SIRT1: variants seen among roughly 807,000 people sequenced by gnomAD.
SIRT1 encodes NAD-dependent protein deacetylase sirtuin-1.
In SIRT1, 24 loss-of-function variants were observed where a neutral mutation model predicts 67.9. The observed-to-expected ratio is 0.35, with a 90% CI of 0.26 to 0.50. The LOEUF (loss-of-function observed/expected upper bound fraction) is 0.50. Ranked by LOEUF, SIRT1 falls within the 20% of genes least tolerant of loss-of-function variation. The pLI is 0.98. For synonymous variants in SIRT1, 378 were observed against 350.7 expected (o/e 1.08, Z -0.87); for missense variants, 873 against 937.2 (o/e 0.93, Z 0.89).
intron 3 of SIRT1, 23 bp from the exon 4 acceptor site, chr10:67,891,379 A>G: frequency 6.2e-7 from 1 of 1,610,560 alleles, no homozygotes; most frequent in Non-Finnish European, 8.5e-7. Context: ...TTAATTTTAC[A>G]AATTATGCCA....
chr10:67,918,315 C>T lies in SIRT1; in HGVS notation c.*1722C>T, dbSNP rs2029994874. 1 of 152,688 alleles carries T rather than the reference C, an allele frequency of 6.5e-6. No homozygotes were observed. The highest frequency in any genetic ancestry group is 1.9e-4 in the East Asian group (1 of 5,188). The allele number at this position is 152,688 out of a possible 1,614,324, so 9.5% of individuals were successfully genotyped here. A position where few individuals can be genotyped will look rare whatever the true frequency, so the allele number is the denominator to read the frequency against. On this transcript the variant is annotated 3_prime_UTR_variant, in exon 9 of 9. Coordinates refer to ENST00000212015, the MANE Select transcript of SIRT1 (RefSeq NM_012238.5). ...ATATCTTCCTTCAACTTTTGAAATACAAAACCAGTGTTTTTTACTTGTACA... is the reference window on the plus strand; with the variant it reads ...ATATCTTCCTTCAACTTTTGAAATATAAAACCAGTGTTTTTTACTTGTACA...
intron 4 of SIRT1, among the ~76,000 whole-genome samples, chr10:67,903,987 A>T (rs1564889773): frequency 1.3e-5 from 2 of 152,094 alleles, no homozygotes; most frequent in African/African-American, 4.8e-5. Flanking sequence ...TGGAAGAGTT[A>T]ATCCATATTC....
At chr10:67,887,327 T>A (rs1263420247) in intron 1 of SIRT1, 90 bp from the exon 2 acceptor site, 3 of 798,964 alleles carry the variant, frequency 3.8e-6, no homozygotes, top group African/African-American at 3.4e-5. Flanking sequence ...TTAAATGCTG[T>A]ACTCGATGAA....
chr10:67,910,947 T>A (rs1842890735), intron 7 of SIRT1, among the ~76,000 whole-genome samples: 1 of 152,106 alleles, frequency 6.6e-6, no homozygotes, highest in Non-Finnish European at 1.5e-5. Context: ...AGACCCCACA[T>A]CAGCAGTCAA....
Position 67,916,802 on chromosome 10 carries a change from TAAA to T in SIRT1, c.*218_*220del, listed in dbSNP as rs145705395. 8.6e-4 allele frequency: 244 copies of T among 283,398 alleles called. 1 individual carries two copies. Among genetic ancestry groups the T allele is most frequent in the African/African-American group, 1.5e-3 (65 of 43,164 alleles). 17.6% of individuals were successfully genotyped at this position (283,398 alleles called of 1,614,324 possible). ...AACTCAACACTAACTTTTTTTTTTT[TAAA>T]AAAAAAAAGGTACTAAGTATCTTCA... On this transcript the variant is annotated 3_prime_UTR_variant, in exon 9 of 9. Transcript: ENST00000212015.
chr10:67,914,135 G>A (rs565590575), intron 8 of SIRT1, among the ~76,000 whole-genome samples: 42 of 131,712 alleles, frequency 3.2e-4, no homozygotes, highest in Non-Finnish European at 6.1e-4. Flanking sequence ...GCAGTGGCAC[G>A]ATCTCAGCTC....
intron 1 of SIRT1, among the ~76,000 whole-genome samples, chr10:67,886,631 C>G (rs1842485992): frequency 6.6e-6 from 1 of 150,930 alleles, no homozygotes; most frequent in African/African-American, 2.4e-5. Context: ...TCAAGCAACA[C>G]AGTTGAGTAC....
chr10:67,894,986 A>G (rs897235115), intron 4 of SIRT1, among the ~76,000 whole-genome samples: 4 of 152,094 alleles, frequency 2.6e-5, no homozygotes, highest in African/African-American at 9.7e-5. Context: ...GTGAGCCACA[A>G]TGTCCAGCTG....
chr10:67,905,057 A>G (rs1474192203), intron 4 of SIRT1, among the ~76,000 whole-genome samples: 1 of 152,034 alleles, frequency 6.6e-6, no homozygotes, highest in Non-Finnish European at 1.5e-5. Context: ...TTTTTCCCTG[A>G]CCTTGCTTTG....
chr10:67,903,811 G>C (rs1480761334), intron 4 of SIRT1, among the ~76,000 whole-genome samples: 1 of 152,180 alleles, frequency 6.6e-6, no homozygotes, highest in African/African-American at 2.4e-5. Flanking sequence ...ATAGTGTTTT[G>C]AGCCTTTGAT....
intron 8 of SIRT1, among the ~76,000 whole-genome samples, chr10:67,913,809 G>C (rs890202645): frequency 6.6e-6 from 1 of 152,058 alleles, no homozygotes; most frequent in Non-Finnish European, 1.5e-5. Flanking sequence ...ACCATACTTG[G>C]CGAAAACTGA....
intron 4 of SIRT1, among the ~76,000 whole-genome samples, chr10:67,902,142 C>G (rs1387035067): frequency 6.6e-6 from 1 of 152,174 alleles, no homozygotes; most frequent in African/African-American, 2.4e-5. Context: ...GCGCCTGTCT[C>G]CACGCCCGGC....
rs1397456510 is a variant in SIRT1 at position 67,917,999 on chromosome 10, AT to A, written c.*1407del. 6.6e-6 allele frequency: 1 copy of A among 152,610 alleles called. No individual in the cohort carries two copies. The highest frequency in any genetic ancestry group is 2.4e-5 in the African/African-American group (1 of 41,448). The allele number at this position is 152,610 out of a possible 1,614,324, so 9.5% of individuals were successfully genotyped here. A position where few individuals can be genotyped will look rare whatever the true frequency, so the allele number is the denominator to read the frequency against. On this transcript the variant is annotated 3_prime_UTR_variant, in exon 9 of 9. Transcript: ENST00000212015. ...AGGGTTTGAAATATAGCTGTTCTTT[AT>A]GCATAAAACACCCAGCTAGGACCAT...
chr10:67,906,305 A>T, intron 4 of SIRT1: 1 of 1,562,724 alleles, frequency 6.4e-7, no homozygotes, highest in Non-Finnish European at 8.7e-7. Context: ...TTAAAACTTT[A>T]GCTTTAAACT....
chr10:67,891,435 T>A lies in SIRT1; in HGVS notation c.823T>A (p.Ser275Thr), dbSNP rs779685735. ...TTCATGTGGAATACCTGACTTCAGG[T>A]CAAGGGATGGTATTTATGCTCGCCT... ...SVSCGIPDFR[S>T]RDGIYARLAV... The change falls in exon 4 of 9, where the codon TCA (serine) becomes ACA (threonine). Residue 275 changes from serine (S) to threonine (T), a missense_variant. By Grantham distance (58) the Ser-to-Thr change is moderately conservative. Transcript: ENST00000212015. 6.2e-7 allele frequency: 1 copy of A among 1,614,116 alleles called. No homozygotes were observed. Among genetic ancestry groups the A allele is most frequent in the Non-Finnish European group, 8.5e-7 (1 of 1,179,994 alleles).
At chr10:67,909,966 C>A (rs1406980480) in intron 7 of SIRT1, among the ~76,000 whole-genome samples, 2 of 152,124 alleles carry the variant, frequency 1.3e-5, no homozygotes, top group Non-Finnish European at 2.9e-5. Context: ...CCTGCCTCAG[C>A]CCCTTGAGTA....
At chr10:67,898,914 T>C (rs1842700747) in intron 4 of SIRT1, among the ~76,000 whole-genome samples, 1 of 152,158 alleles carries the variant, frequency 6.6e-6, no homozygotes, top group African/African-American at 2.4e-5. Context: ...TTACTTTCTG[T>C]GAGGTGCTTG....
At chr10:67,913,986 A>G (rs1043024454) in intron 8 of SIRT1, among the ~76,000 whole-genome samples, 2 of 151,590 alleles carry the variant, frequency 1.3e-5, no homozygotes, top group African/African-American at 4.9e-5. Context: ...ACTCATTAAT[A>G]CTTTGGTATA....
intron 4 of SIRT1, among the ~76,000 whole-genome samples, chr10:67,894,889 G>A (rs988570826): frequency 1.3e-5 from 2 of 151,994 alleles, no homozygotes; most frequent in Non-Finnish European, 2.9e-5. Flanking sequence ...TAGTAGAGAC[G>A]GGGTTTCACC....
Sources: allele counts gnomAD v4.1 joint callset (sites outside exome capture counted in the v4.1 genomes callset), GRCh38; gene constraint gnomAD v4.1.1; transcripts MANE v1.5; gene names NCBI Gene and HGNC (gene_info 2026-07-23, HGNC 2026-07-21).